CD101: variants seen among roughly 807,000 people sequenced by gnomAD.
CD101 encodes the protein immunoglobulin superfamily member 2.
CD101 carries 76 observed loss-of-function variants against 98.2 expected under a neutral mutation model. The ratio of observed to expected loss-of-function variants is 0.77; its 90% confidence interval spans 0.64 to 0.94. The LOEUF is 0.94. Among genes scored for constraint, CD101 ranks in the 40% least tolerant of loss-of-function variants. The pLI is 0.00. For synonymous variants in CD101, 471 were observed against 472.7 expected (o/e 1.00, Z 0.05); for missense variants, 1,145 against 1,218.8 (o/e 0.94, Z 0.90).
rs1044005745 is a variant in CD101 at position 117,012,004 on chromosome 1, A to G, written c.841+38A>G. 12 of 1,528,140 alleles carry G rather than the reference A, an allele frequency of 7.9e-6. No individual in the cohort carries two copies. The African/African-American group carries it at 1.5e-4, about 19-fold the overall frequency. 94.7% of individuals were successfully genotyped at this position (1,528,140 alleles called of 1,614,324 possible). A position where few individuals can be genotyped will look rare whatever the true frequency, so the allele number is the denominator to read the frequency against. On this transcript the variant is annotated intron_variant, in intron 3 of 9. Transcript: ENST00000682167. This position sits in a 1 kb window ranked among gnomAD's most constrained non-coding sequence, Gnocchi z 4.0. ...CTACGAAATTCATTAATACACTAGT[A>G]TTAGGTAGTGGGTATTTATGAGGTA...
rs570382386 is a variant in CD101, at chr1:117,029,186, A to G, written c.2824+3282A>G. Among the ~76,000 whole-genome samples the G allele has an allele frequency of 1.5e-3, 140 of 94,154 alleles. 1 individual carries two copies. The highest frequency in any genetic ancestry group is 1.9e-3 in the East Asian group (7 of 3,616). The allele number at this position is 94,154 out of a possible 152,430, so 61.8% of individuals were successfully genotyped here. On this transcript the variant is annotated intron_variant, in intron 8 of 9. Coordinates refer to ENST00000682167, the MANE Select transcript of CD101 (RefSeq NM_001256106.3). ...AAGAAAGAAAGAAAGAAAGAAAGAA[A>G]GAAAGAAAGAAAGAAAGAAAAGAAA...
In CD101 at chr1:117,012,657, C is replaced by T. The variant is rs773181731; in HGVS notation, c.841+691C>T. ...TCCGGGGCTCAAGCAATCCTCCTGC[C>T]TTGGCCTCCCAAAGGGCTGGGATTT... On this transcript the variant is annotated intron_variant, in intron 3 of 9. Transcript: ENST00000682167. This position sits in a 1 kb window ranked among gnomAD's most constrained non-coding sequence, Gnocchi z 4.0. Among the ~76,000 whole-genome samples, 1 of 152,196 alleles carries T rather than the reference C, an allele frequency of 6.6e-6. No individual in the cohort carries two copies. The highest frequency in any genetic ancestry group is 1.5e-5 in the Non-Finnish European group (1 of 68,030).
chr1:117,035,024 T>TG (rs1219172813), intron 9 of CD101, among the ~76,000 whole-genome samples: 3 of 152,080 alleles, frequency 2.0e-5, no homozygotes, highest in Non-Finnish European at 2.9e-5. Context: ...GGCTGGGGTT[T>TG]GGGGCAGCAG....
In CD101 at chr1:117,018,016, A is replaced by G; in HGVS notation, c.1613-140A>G. On this transcript the variant is annotated intron_variant, in intron 5 of 9. Coordinates refer to ENST00000682167, the MANE Select transcript of CD101 (RefSeq NM_001256106.3). The surrounding 1 kb of genome is among the most constrained non-coding windows in gnomAD (Gnocchi z 4.3). ...TCAGGACAGACTGTACTGGGAATCA[A>G]TTTCTACTCTATAAAATAGGAAACT... 2 of 844,828 alleles carry G rather than the reference A, an allele frequency of 2.4e-6. No individual in the cohort carries two copies. The highest frequency in any genetic ancestry group is 5.4e-5 in the East Asian group (2 of 37,098). 52.3% of individuals were successfully genotyped at this position (844,828 alleles called of 1,614,324 possible).
At position 117,017,424 on chromosome 1, in the gene CD101, C is replaced by T. The variant is rs1653303094; in HGVS notation, c.1563C>T (p.Ala521=). Residue 521 remains alanine, a synonymous_variant, in exon 5 of 10, where the codon GCC becomes GCT. Transcript: ENST00000682167. Reference sequence around the variant, plus strand: ...TATCTGAGAAGTCTCGGAACCAGGCCAGAGATCTGAGCTGGACTCAGAAGA... The same window carrying T: ...TATCTGAGAAGTCTCGGAACCAGGCTAGAGATCTGAGCTGGACTCAGAAGA... ...CRVSEKSRNQ[A]RDLSWTQKIS... is the part of the protein sequence containing the mutation. The T allele has an allele frequency of 6.2e-7, 1 of 1,614,136 alleles. No individual in the cohort carries two copies. Among genetic ancestry groups the T allele is most frequent in the South Asian group, 1.1e-5 (1 of 91,082 alleles).
chr1:117,010,133 A>G lies in CD101; in HGVS notation c.327A>G (p.Ser109=). Residue 109 remains serine, a synonymous_variant, in exon 2 of 10, where the codon TCA becomes TCG. Transcript: ENST00000682167. The surrounding 1 kb of genome is among the most constrained non-coding windows in gnomAD (Gnocchi z 5.2). ...GCAACTCAGTCTTGTTGCACATCTC[A>G]AAACTCCAGATGAAGGATGCTGGCG... ...VQGNSVLLHI[S]KLQMKDAGEY... is the part of the protein sequence containing the mutation. 2 of 1,614,176 alleles carry G rather than the reference A, an allele frequency of 1.2e-6. No individual in the cohort carries two copies. Among genetic ancestry groups the G allele is most frequent in the Non-Finnish European group, 1.7e-6 (2 of 1,179,994 alleles).
At chr1:117,016,990 A>G in intron 4 of CD101, 100 bp from the exon 5 acceptor site, 1 of 1,356,134 alleles carries the variant, frequency 7.4e-7, no homozygotes, top group African/African-American at 1.5e-5. Flanking sequence ...TTGACTTGTC[A>G]CAAACTAGTC....
chr1:117,008,294 G>A (rs957778459), intron 1 of CD101, among the ~76,000 whole-genome samples: 21 of 151,926 alleles, frequency 1.4e-4, no homozygotes, highest in Admixed American at 3.9e-4. Flanking sequence ...GTGAAACCCC[G>A]TCTCTACTAA....
In CD101 at chr1:117,036,112, G is replaced by A. The variant is rs1182464384; in HGVS notation, c.*34-56G>A. ...CAGAGGAGATGTAAGCAGACAGGGA[G>A]GGTCTCCTGGGAAAGCAGACATTTA... On this transcript the variant is annotated intron_variant, in intron 9 of 9. Transcript: ENST00000682167. The surrounding 1 kb of genome is among the most constrained non-coding windows in gnomAD (Gnocchi z 5.0). 6.6e-6 allele frequency: 1 copy of A among 152,204 alleles called. No homozygotes were observed. The highest frequency in any genetic ancestry group is 1.9e-4 in the East Asian group (1 of 5,190). The allele number at this position is 152,204 out of a possible 1,614,324, so 9.4% of individuals were successfully genotyped here.
rs751224782 is a variant in CD101, at chr1:117,033,833, ACT to A, written c.2825-22_2825-21del. ...AGTACAAATAAGTTGGAGATGAATT[ACT>A]CTCTTGTTTCTCCCTTCGTTGCAGA... On this transcript the variant is annotated intron_variant, in intron 8 of 9. Transcript: ENST00000682167. The surrounding 1 kb of genome is among the most constrained non-coding windows in gnomAD (Gnocchi z 4.8). The A allele has an allele frequency of 3.1e-6, 5 of 1,613,200 alleles. No homozygotes were observed. Among genetic ancestry groups the A allele is most frequent in the Middle Eastern group, 1.6e-4 (1 of 6,082 alleles).
chr1:117,034,785 G>A (rs756550569), intron 9 of CD101, among the ~76,000 whole-genome samples: 5 of 152,156 alleles, frequency 3.3e-5, no homozygotes, highest in Non-Finnish European at 7.3e-5. Context: ...TTAAGTAATT[G>A]CTGAGCAAAA....
At chr1:117,026,705 A>G (rs989780845) in intron 8 of CD101, 2 of 152,244 alleles carry the variant, frequency 1.3e-5, no homozygotes, top group Non-Finnish European at 2.9e-5. Flanking sequence ...TCTCTGAGGC[A>G]GATGGGATCC....
At chr1:117,026,884 T>A (rs894418504) in intron 8 of CD101, 1 of 152,042 alleles carries the variant, frequency 6.6e-6, no homozygotes, top group Non-Finnish European at 1.5e-5. Flanking sequence ...ATGTTGAGGA[T>A]TTCCAAGGAA....
rs1653016960 is a variant in CD101 at position 117,013,595 on chromosome 1, G to A, written c.1031G>A (p.Arg344Lys). ...VLGLKNDYKE[R>K]ASQGELQVSK... ...GGCCTGAAGAATGACTACAAAGAGAGAGCAAGTCAAGGAGAGCTCCAGGTT... is the reference window on the plus strand; with the variant it reads ...GGCCTGAAGAATGACTACAAAGAGAAAGCAAGTCAAGGAGAGCTCCAGGTT... Residue 344 changes from arginine (R) to lysine (K), a missense_variant, in exon 4 of 10, where the codon AGA becomes AAA. By Grantham distance (26) the Arg-to-Lys change is conservative. Transcript: ENST00000682167. 1 of 1,614,066 alleles carries A rather than the reference G, an allele frequency of 6.2e-7. No homozygotes were observed. The highest frequency in any genetic ancestry group is 1.3e-5 in the African/African-American group (1 of 74,924).
chr1:117,021,961 A>G lies in CD101; in HGVS notation c.2406A>G (p.Thr802=). The G allele has an allele frequency of 6.2e-7, 1 of 1,608,940 alleles. No individual in the cohort carries two copies. The highest frequency in any genetic ancestry group is 8.5e-7 in the Non-Finnish European group (1 of 1,178,148). The stretch of plus-strand genomic sequence containing the variant: ...TTGGAGAAAAGAAGTCAGGACTAAC[A>G]GAATTGAAACTCAAGCCCACAGGTA... The part of the protein sequence containing the change: ...HKLGEKKSGL[T]ELKLKPTGSK... The change falls in exon 7 of 10, where the codon ACA becomes ACG. Residue 802 remains threonine, a synonymous_variant. Transcript: ENST00000682167. This position sits in a 1 kb window ranked among gnomAD's most constrained non-coding sequence, Gnocchi z 4.7.
rs1310522045 is a variant in CD101, at chr1:117,025,510, A to G, written c.2430A>G (p.Gly810=). Residue 810 remains glycine, a splice_region_variant and synonymous_variant, in exon 8 of 10, where the codon GGA becomes GGG. Coordinates refer to ENST00000682167, the MANE Select transcript of CD101 (RefSeq NM_001256106.3). ...GLTELKLKPT[G]SKVRVSKVYW... is the part of the protein sequence containing the mutation. ...ATTTACTGCCATTTTATTTTCTAGGAAGTAAGGTACGTGTCTCCAAAGTGT... is the reference window on the plus strand; with the variant it reads ...ATTTACTGCCATTTTATTTTCTAGGGAGTAAGGTACGTGTCTCCAAAGTGT... The G allele has an allele frequency of 1.1e-5, 17 of 1,528,086 alleles. No individual in the cohort carries two copies. The African/African-American group carries it at 2.2e-4, about 20-fold the overall frequency. 94.7% of individuals were successfully genotyped at this position (1,528,086 alleles called of 1,614,324 possible). A position where few individuals can be genotyped will look rare whatever the true frequency, so the allele number is the denominator to read the frequency against.
chr1:117,027,988 G>A (rs1443568972), intron 8 of CD101, among the ~76,000 whole-genome samples: 1 of 152,144 alleles, frequency 6.6e-6, no homozygotes, highest in African/African-American at 2.4e-5. Context: ...GGGAGGCTGA[G>A]GCAGGAGAAT....
rs1464080897 is a variant in CD101, at chr1:117,021,088, G to A, written c.2018-485G>A. Among the ~76,000 whole-genome samples the A allele has an allele frequency of 6.6e-6, 1 of 152,228 alleles. No individual in the cohort carries two copies. Among genetic ancestry groups the A allele is most frequent in the Non-Finnish European group, 1.5e-5 (1 of 68,046 alleles). ...CCACGTTTGAAGGCAGATACAACTA[G>A]AGTTTGGAAATTGTGAATCCAGAAG... On this transcript the variant is annotated intron_variant, in intron 6 of 9. Transcript: ENST00000682167. This position sits in a 1 kb window ranked among gnomAD's most constrained non-coding sequence, Gnocchi z 4.7.
In CD101 at chr1:117,022,846, A is replaced by C. The variant is rs942967842; in HGVS notation, c.2428+863A>C. ...AGTCTGGTGGGACAACAAGGGCAGA[A>C]CAGCAGCTTGGTTTGGGGTCTCTTC... On this transcript the variant is annotated intron_variant, in intron 7 of 9. Coordinates refer to ENST00000682167, the MANE Select transcript of CD101 (RefSeq NM_001256106.3). The surrounding 1 kb of genome is among the most constrained non-coding windows in gnomAD (Gnocchi z 4.8). Among the ~76,000 whole-genome samples, 1 of 152,228 alleles carries C rather than the reference A, an allele frequency of 6.6e-6. No homozygotes were observed. Among genetic ancestry groups the C allele is most frequent in the Non-Finnish European group, 1.5e-5 (1 of 68,040 alleles).
Sources: gnomAD v4.1 joint callset for allele counts (sites outside exome capture counted in the v4.1 genomes callset) on GRCh38, gnomAD v4.1.1 for gene constraint, Gnocchi (gnomAD v3.1) non-coding constraint, MANE v1.5 for transcripts, NCBI Gene and HGNC (gene_info 2026-07-23, HGNC 2026-07-21) for gene names.